The following KCNQ5 variants were observed in gnomAD, a reference collection of about 807,000 sequenced individuals.
KCNQ5 encodes the protein potassium voltage-gated channel subfamily Q member 5, also known as potassium voltage-gated channel subfamily KQT member 5.
A neutral mutation model predicts 98.2 loss-of-function variants in KCNQ5; 30 were observed. The ratio of observed to expected loss-of-function variants is 0.31; its 90% confidence interval spans 0.23 to 0.41. The LOEUF (loss-of-function observed/expected upper bound fraction) is 0.41. KCNQ5 is among the 10% of genes least tolerant of loss of function. The pLI is 1.00. For missense variants in KCNQ5, 835 were observed against 1,182.5 expected (o/e 0.71, Z 4.31); for synonymous variants, 458 against 449.4 (o/e 1.02, Z -0.24).
chr6:72,761,217 A>G (rs746675093), intron 1 of KCNQ5, among the ~76,000 whole-genome samples: 1 of 152,124 alleles, frequency 6.6e-6, no homozygotes, highest in Admixed American at 6.6e-5. Flanking sequence ...TTTTCTTTTG[A>G]ATTATAACAC....
At chr6:72,832,271 A>C (rs746179425) in intron 1 of KCNQ5, among the ~76,000 whole-genome samples, 25 of 152,158 alleles carry the variant, frequency 1.6e-4, no homozygotes, top group Non-Finnish European at 3.5e-4. Context: ...GAGAGGAAAG[A>C]AAATTAATGA....
At chr6:72,690,221 G>C (rs1028147576) in intron 1 of KCNQ5, among the ~76,000 whole-genome samples, 1 of 152,076 alleles carries the variant, frequency 6.6e-6, no homozygotes, top group Non-Finnish European at 1.5e-5. Flanking sequence ...GCAGTGAGCC[G>C]TGATCCCGTC....
intron 1 of KCNQ5, among the ~76,000 whole-genome samples, chr6:72,729,532 T>C (rs1393877212): frequency 6.6e-6 from 1 of 152,188 alleles, no homozygotes; most frequent in African/African-American, 2.4e-5. Context: ...GTGATCCTCC[T>C]TGCTGGGATT....
chr6:72,800,958 A>C (rs201714209), intron 1 of KCNQ5, among the ~76,000 whole-genome samples: 3,090 of 151,888 alleles, frequency 0.02, 45 homozygotes, highest in East Asian at 0.06. Flanking sequence ...CTTAATCCTG[A>C]GTTCTAGTTT....
intron 1 of KCNQ5, among the ~76,000 whole-genome samples, chr6:72,716,224 A>G (rs1429046878): frequency 6.6e-6 from 1 of 152,236 alleles, no homozygotes; most frequent in East Asian, 1.9e-4. Context: ...TTCTGAAAAA[A>G]GTAAAAATTG....
chr6:73,169,960 C>G, intron 11 of KCNQ5, 106 bp downstream of exon 11: 1 of 731,644 alleles, frequency 1.4e-6, no homozygotes, highest in Non-Finnish European at 2.4e-6. Flanking sequence ...GGAATAACCA[C>G]TTTCCCTTTC....
At chr6:72,783,379 C>A (rs1773581468) in intron 1 of KCNQ5, among the ~76,000 whole-genome samples, 1 of 151,960 alleles carries the variant, frequency 6.6e-6, no homozygotes. Flanking sequence ...GGAAAATGAC[C>A]TTATAATATA....
chr6:72,668,926 C>T (rs571251986), intron 1 of KCNQ5, among the ~76,000 whole-genome samples: 1 of 151,986 alleles, frequency 6.6e-6, no homozygotes, highest in Admixed American at 6.5e-5. Context: ...TAATTACCTT[C>T]ATACAGGCCC....
At chr6:72,694,327 G>A (rs1768373589) in intron 1 of KCNQ5, among the ~76,000 whole-genome samples, 1 of 152,178 alleles carries the variant, frequency 6.6e-6, no homozygotes, top group Non-Finnish European at 1.5e-5. Context: ...TTGGTCTGCA[G>A]ATAAACTAGC....
intron 1 of KCNQ5, among the ~76,000 whole-genome samples, chr6:72,751,891 G>A (rs1490688645): frequency 6.6e-6 from 1 of 152,062 alleles, no homozygotes; most frequent in African/African-American, 2.4e-5. Flanking sequence ...GTAAGTAAGT[G>A]ATTTTTAAAG....
chr6:72,848,260 C>T (rs544312766), intron 1 of KCNQ5, among the ~76,000 whole-genome samples: 12 of 151,668 alleles, frequency 7.9e-5, no homozygotes, highest in South Asian at 2.1e-4. Context: ...CATAGGTATA[C>T]GTGTGCCATG....
intron 1 of KCNQ5, among the ~76,000 whole-genome samples, chr6:72,719,783 C>A (rs1769848790): frequency 6.6e-6 from 1 of 152,152 alleles, no homozygotes; most frequent in Non-Finnish European, 1.5e-5. Flanking sequence ...TCTCTCAGCA[C>A]CAGCTCTAGA....
At chr6:72,687,117 G>A (rs75621474) in intron 1 of KCNQ5, among the ~76,000 whole-genome samples, 8 of 152,082 alleles carry the variant, frequency 5.3e-5, no homozygotes, top group Non-Finnish European at 1.0e-4. Context: ...ATATAGTGAA[G>A]ATGAGTTACC....
At chr6:72,915,363 T>G (rs1780090360) in intron 1 of KCNQ5, among the ~76,000 whole-genome samples, 1 of 152,118 alleles carries the variant, frequency 6.6e-6, no homozygotes, top group Admixed American at 6.5e-5. Flanking sequence ...ATATTTTGCC[T>G]CTTATTTTTA....
At chr6:73,059,322 A>G (rs1311094691) in intron 3 of KCNQ5, among the ~76,000 whole-genome samples, 1 of 152,194 alleles carries the variant, frequency 6.6e-6, no homozygotes, top group Non-Finnish European at 1.5e-5. Flanking sequence ...ACAGAAAACC[A>G]AATACACATG....
At chr6:73,083,722 A>G (rs147685441) in intron 5 of KCNQ5, among the ~76,000 whole-genome samples, 2 of 152,352 alleles carry the variant, frequency 1.3e-5, no homozygotes, top group African/African-American at 4.8e-5. Flanking sequence ...GTTTCAATTA[A>G]GAAGACTTCT....
intron 1 of KCNQ5, among the ~76,000 whole-genome samples, chr6:72,712,730 T>G (rs182944367): frequency 6.6e-6 from 1 of 152,278 alleles, no homozygotes; most frequent in East Asian, 1.9e-4. Flanking sequence ...GCTCAATAAT[T>G]TTTTGCTTTA....
rs182694788 is a variant in KCNQ5, at chr6:72,674,007, G to A, written c.398+51420G>A. Among the ~76,000 whole-genome samples the A allele has an allele frequency of 4.6e-5, 7 of 152,192 alleles. No individual in the cohort carries two copies. In the East Asian group the frequency reaches 5.8e-4, roughly 13 times the overall value. On this transcript the variant is annotated intron_variant, in intron 1 of 13. Coordinates refer to ENST00000370398, the MANE Select transcript of KCNQ5 (RefSeq NM_019842.4). ...ATTTCAACCAGTATTAGTATAATACGTTACTCTAAAAGCATTGCTTCATTA... is the reference window on the plus strand; with the variant it reads ...ATTTCAACCAGTATTAGTATAATACATTACTCTAAAAGCATTGCTTCATTA...
At chr6:72,837,447 TTGTA>T (rs138769545) in intron 1 of KCNQ5, among the ~76,000 whole-genome samples, 1,768 of 152,276 alleles carry the variant, frequency 0.012, 29 homozygotes, top group African/African-American at 0.04. Context: ...TACCTTGCCT[TTGTA>T]TGTAACACCT....
Sources: gnomAD v4.1 joint callset for allele counts (sites outside exome capture counted in the v4.1 genomes callset) on GRCh38, gnomAD v4.1.1 for gene constraint, MANE v1.5 for transcripts, NCBI Gene and HGNC (gene_info 2026-07-23, HGNC 2026-07-21) for gene names.